The following RIMS1 variants were observed in gnomAD, a reference collection of about 807,000 sequenced individuals.
RIMS1 encodes the protein regulating synaptic membrane exocytosis protein 1.
A neutral mutation model predicts 214.1 loss-of-function variants in RIMS1; 83 were observed. The observed-to-expected ratio is 0.39, with a 90% CI of 0.32 to 0.47. The LOEUF (loss-of-function observed/expected upper bound fraction) is 0.47. RIMS1 is among the 20% of genes least tolerant of loss of function. The pLI, the probability that RIMS1 is intolerant of heterozygous loss-of-function variation, is 0.99. For synonymous variants in RIMS1, 793 were observed against 786.8 expected (o/e 1.01, Z -0.13); for missense variants, 2,050 against 2,161.8 (o/e 0.95, Z 1.03).
At chr6:72,122,493 A>T (rs1179609728) in intron 4 of RIMS1, among the ~76,000 whole-genome samples, 1 of 151,808 alleles carries the variant, frequency 6.6e-6, no homozygotes, top group East Asian at 1.9e-4. Context: ...GGCATGAGCC[A>T]CCACACCCAG....
chr6:72,255,188 CA>C lies in RIMS1; in HGVS notation c.2770+2358del, dbSNP rs1170089087. ...GAAAAATGAGTCAGTAAAATAAGGG[CA>C]AGAAGCTAAAATAAAGTGAGGTGAT... On this transcript the variant is annotated intron_variant, in intron 16 of 33. Coordinates refer to ENST00000521978, the MANE Select transcript of RIMS1 (RefSeq NM_014989.7). 5.3e-5 allele frequency among the ~76,000 whole-genome samples: 8 copies of C among 152,058 alleles called. No individual in the cohort carries two copies. In the South Asian group the frequency reaches 1.4e-3, roughly 28 times the overall value.
At chr6:72,195,018 G>T (rs560247999) in intron 6 of RIMS1, among the ~76,000 whole-genome samples, 2 of 152,004 alleles carry the variant, frequency 1.3e-5, no homozygotes, top group Non-Finnish European at 2.9e-5. Context: ...TTGAAAGAAG[G>T]TCTACTGAAG....
intron 19 of RIMS1, chr6:72,261,190 T>G: frequency 9.8e-7 from 1 of 1,016,400 alleles, no homozygotes; most frequent in Non-Finnish European, 1.2e-6. Context: ...CCTTTTTTAA[T>G]TTCCTTTTAG....
intron 19 of RIMS1, chr6:72,261,691 C>A (rs2078099154): frequency 1.0e-6 from 1 of 985,030 alleles, no homozygotes; most frequent in Non-Finnish European, 1.2e-6. Context: ...GATGCAAAGA[C>A]AAATGCATGA....
chr6:72,389,680 A>C (rs10485035), intron 29 of RIMS1, among the ~76,000 whole-genome samples: 1 of 152,132 alleles, frequency 6.6e-6, no homozygotes, highest in Admixed American at 6.5e-5. Flanking sequence ...ATATGATACT[A>C]TACAGAAACT....
At chr6:72,062,712 A>T (rs1828205933) in intron 2 of RIMS1, among the ~76,000 whole-genome samples, 1 of 152,178 alleles carries the variant, frequency 6.6e-6, no homozygotes, top group Non-Finnish European at 1.5e-5. Context: ...TGGAAGCCAG[A>T]CATCAGAATT....
chr6:72,193,799 T>G (rs1034650122), intron 6 of RIMS1, among the ~76,000 whole-genome samples: 4 of 151,400 alleles, frequency 2.6e-5, no homozygotes, highest in Admixed American at 6.6e-5. Flanking sequence ...GTGGTACTAA[T>G]ACCATATATG....
In RIMS1 at chr6:72,160,935, T is replaced by C. The variant is rs561478630; in HGVS notation, c.472-18640T>C. ...GGAGGATTCCCTCTTTTTCTATTGA[T>C]TGGAATAGTTTCAGAAGGAATGGTA... On this transcript the variant is annotated intron_variant, in intron 4 of 33. Coordinates refer to ENST00000521978, the MANE Select transcript of RIMS1 (RefSeq NM_014989.7). Among the ~76,000 whole-genome samples the C allele has an allele frequency of 1.4e-3, 192 of 140,244 alleles. 24 individuals carry two copies. The East Asian group carries it at 0.035, about 25-fold the overall frequency. The allele number at this position is 140,244 out of a possible 152,430, so 92.0% of individuals were successfully genotyped here. A position where few individuals can be genotyped will look rare whatever the true frequency, so the allele number is the denominator to read the frequency against.
intron 2 of RIMS1, among the ~76,000 whole-genome samples, chr6:72,043,366 T>C (rs1822002904): frequency 6.6e-6 from 1 of 151,868 alleles, no homozygotes. Context: ...AGAAAATCTT[T>C]TAAAAGAAAA....
intron 31 of RIMS1, among the ~76,000 whole-genome samples, chr6:72,397,451 G>A (rs374072977): frequency 3.2e-4 from 48 of 152,294 alleles, no homozygotes; most frequent in African/African-American, 1.1e-3. Flanking sequence ...CAATGTTAGA[G>A]TGTGGGAAGC....
chr6:72,308,039 A>G (rs1373321160), intron 27 of RIMS1, among the ~76,000 whole-genome samples: 1 of 152,170 alleles, frequency 6.6e-6, no homozygotes, highest in Non-Finnish European at 1.5e-5. Context: ...GTATATATTT[A>G]TAGTCTTAAG....
At chr6:71,950,601 G>A (rs1322255102) in intron 1 of RIMS1, among the ~76,000 whole-genome samples, 1 of 152,122 alleles carries the variant, frequency 6.6e-6, no homozygotes, top group East Asian at 1.9e-4. Flanking sequence ...ACAACCTTTA[G>A]GAAACCTTCA....
intron 24 of RIMS1, among the ~76,000 whole-genome samples, chr6:72,289,784 T>G (rs929893800): frequency 6.6e-6 from 1 of 152,144 alleles, no homozygotes; most frequent in African/African-American, 2.4e-5. Flanking sequence ...AGTATTGCTT[T>G]AAAAAGGGAT....
chr6:72,259,056 C>A lies in RIMS1; in HGVS notation c.2998C>A (p.Pro1000Thr). Residue 1000 changes from proline to threonine, a missense_variant, in exon 18 of 34, where the codon CCA becomes ACA. Coordinates refer to ENST00000521978, the MANE Select transcript of RIMS1 (RefSeq NM_014989.7). ...PTRHHDASRSPVDHRTRDVDS... is the reference protein window; with the variant it reads ...PTRHHDASRSTVDHRTRDVDS... ...CAGACACCATGATGCCTCCCGAAGTCCAGTTGATCATAGAACCAGAGATGT... is the reference window on the plus strand; with the variant it reads ...CAGACACCATGATGCCTCCCGAAGTACAGTTGATCATAGAACCAGAGATGT... 6.2e-7 allele frequency: 1 copy of A among 1,612,364 alleles called. No homozygotes were observed. Among genetic ancestry groups the A allele is most frequent in the South Asian group, 1.1e-5 (1 of 91,052 alleles).
At chr6:72,015,417 C>A (rs1240693822) in intron 2 of RIMS1, among the ~76,000 whole-genome samples, 2 of 152,178 alleles carry the variant, frequency 1.3e-5, no homozygotes, top group African/African-American at 4.8e-5. Flanking sequence ...TTAATCCTAA[C>A]AAGTTATTTG....
chr6:71,988,515 T>C (rs1800682038), intron 2 of RIMS1, among the ~76,000 whole-genome samples: 1 of 152,324 alleles, frequency 6.6e-6, no homozygotes, highest in South Asian at 2.1e-4. Context: ...AGAAATCCGA[T>C]GTCAGTATGT....
intron 29 of RIMS1, among the ~76,000 whole-genome samples, chr6:72,342,295 A>G (rs907484715): frequency 2.6e-5 from 4 of 151,388 alleles, no homozygotes; most frequent in African/African-American, 7.3e-5. Flanking sequence ...CCCCTCCACA[A>G]TTAGATTTAG....
At chr6:71,935,507 A>C (rs1374192865) in intron 1 of RIMS1, among the ~76,000 whole-genome samples, 1 of 152,246 alleles carries the variant, frequency 6.6e-6, no homozygotes. Flanking sequence ...TAAAAAGCAT[A>C]GGGTTTTCTT....
chr6:72,020,999 A>G (rs1814479540), intron 2 of RIMS1, among the ~76,000 whole-genome samples: 1 of 152,196 alleles, frequency 6.6e-6, no homozygotes, highest in Non-Finnish European at 1.5e-5. Flanking sequence ...AAGATATTCC[A>G]TATTCATTTT....
Sources: gnomAD v4.1 joint callset for allele counts (sites outside exome capture counted in the v4.1 genomes callset) on GRCh38, gnomAD v4.1.1 for gene constraint, MANE v1.5 for transcripts, NCBI Gene and HGNC (gene_info 2026-07-23, HGNC 2026-07-21) for gene names.